Variants in LRP1B observed in about 807,000 individuals in gnomAD.
LRP1B encodes the protein low-density lipoprotein receptor-related protein 1B.
A neutral mutation model predicts 556.6 loss-of-function variants in LRP1B; 217 were observed. That is an observed-to-expected ratio of 0.39 (90% CI 0.35 to 0.44). LRP1B has a LOEUF of 0.44. Among genes scored for constraint, LRP1B ranks in the 20% least tolerant of loss-of-function variants. The pLI, the probability that LRP1B is intolerant of heterozygous loss-of-function variation, is 1.00. For synonymous variants in LRP1B, 2,047 were observed against 1,865.8 expected, an observed-to-expected ratio of 1.10 and a Z score of -2.50; for missense variants, 5,053 against 5,620.8, an observed-to-expected ratio of 0.90 and a Z score of 3.23.
At chr2:140,974,190 G>C (rs1696520288) in intron 18 of LRP1B, among the ~76,000 whole-genome samples, 2 of 152,120 alleles carry the variant, frequency 1.3e-5, no homozygotes, top group African/African-American at 4.8e-5. Context: ...CATGAAGAAA[G>C]AATCTTCTGA....
intron 1 of LRP1B, among the ~76,000 whole-genome samples, chr2:141,874,836 T>C (rs1423492856): frequency 6.6e-6 from 1 of 151,954 alleles, no homozygotes; most frequent in Non-Finnish European, 1.5e-5. Context: ...TCAGGAGCCT[T>C]ATGGCCAATG....
Position 140,238,665 on chromosome 2 carries a change from G to C in LRP1B, c.13416-369C>G, listed in dbSNP as rs10928744. Among the ~76,000 whole-genome samples, 5 of 150,876 alleles carry C rather than the reference G, an allele frequency of 3.3e-5. No individual in the cohort carries two copies. The East Asian group carries it at 9.8e-4, about 30-fold the overall frequency. On this transcript the variant is annotated intron_variant, in intron 88 of 90. Coordinates refer to ENST00000389484, the MANE Select transcript of LRP1B (RefSeq NM_018557.3). ...ATGGTTAGAATCCTGTTTTACATAA[G>C]TCAAATACTGACTCAAAAGCTCTTG... is the stretch of plus-strand genomic sequence containing the variant.
intron 6 of LRP1B, among the ~76,000 whole-genome samples, chr2:141,210,276 C>A: frequency 6.6e-6 from 1 of 150,910 alleles, no homozygotes; most frequent in East Asian, 1.9e-4. Context: ...TGTTACCTGA[C>A]AAAAATCCAT....
At chr2:141,326,310 C>T (rs1687427502) in intron 3 of LRP1B, among the ~76,000 whole-genome samples, 1 of 151,850 alleles carries the variant, frequency 6.6e-6, no homozygotes, top group Non-Finnish European at 1.5e-5. Context: ...GAAATGCTTC[C>T]AAGGAGAAAA....
intron 1 of LRP1B, among the ~76,000 whole-genome samples, chr2:141,865,653 G>A (rs1370572725): frequency 3.3e-5 from 5 of 150,972 alleles, no homozygotes; most frequent in Non-Finnish European, 4.4e-5. Context: ...CCAAACAAGA[G>A]GGTAGAAGAA....
chr2:142,080,082 C>T (rs1050885314), intron 1 of LRP1B, among the ~76,000 whole-genome samples: 1 of 139,720 alleles, frequency 7.2e-6, no homozygotes, highest in African/African-American at 2.6e-5. Context: ...TTGGGCTTAA[C>T]TTTATTATGA....
At chr2:141,197,337 C>T (rs558459795) in intron 6 of LRP1B, among the ~76,000 whole-genome samples, 14 of 152,178 alleles carry the variant, frequency 9.2e-5, no homozygotes, top group African/African-American at 3.1e-4. Flanking sequence ...TTTAGCCTTG[C>T]TGGGGTTCTT....
At chr2:141,096,690 G>GGGAGAGAGAGAGAAAAAAAA (rs1700330934) in intron 7 of LRP1B, among the ~76,000 whole-genome samples, 1 of 102,036 alleles carries the variant, frequency 9.8e-6, no homozygotes, top group Non-Finnish European at 2.1e-5. Flanking sequence ...GAGAGAGAGA[G>GGGAGAGAGAGAGAAAAAAAA]AAAATAAATA....
intron 2 of LRP1B, among the ~76,000 whole-genome samples, chr2:141,508,082 T>TCC (rs373915742): frequency 0.26 from 9,569 of 36,918 alleles, 358 homozygotes; most frequent in South Asian, 0.34. Flanking sequence ...GGAGACTCCA[T>TCC]CCCCCCCCCA....
intron 31 of LRP1B, among the ~76,000 whole-genome samples, chr2:140,829,746 T>C (rs1235799005): frequency 1.3e-5 from 2 of 151,494 alleles, no homozygotes; most frequent in African/African-American, 4.8e-5. Context: ...ATCCCAAAAG[T>C]AGTAGAAGAA....
At chr2:140,826,490 C>T (rs1691512610) in intron 31 of LRP1B, among the ~76,000 whole-genome samples, 1 of 152,136 alleles carries the variant, frequency 6.6e-6, no homozygotes, top group Non-Finnish European at 1.5e-5. Context: ...AATAATTATC[C>T]AGTGCCAAGA....
At chr2:141,398,449 G>T (rs1011593344) in intron 3 of LRP1B, among the ~76,000 whole-genome samples, 1 of 152,174 alleles carries the variant, frequency 6.6e-6, no homozygotes, top group Admixed American at 6.5e-5. Flanking sequence ...TAGCAGGAAG[G>T]TCTAAAATGA....
intron 3 of LRP1B, among the ~76,000 whole-genome samples, chr2:141,288,843 C>T (rs1685828113): frequency 6.6e-6 from 1 of 152,132 alleles, no homozygotes; most frequent in Non-Finnish European, 1.5e-5. Context: ...CATATTTCCT[C>T]ACCACAGCTG....
chr2:141,772,887 T>A (rs1003157496), intron 2 of LRP1B, among the ~76,000 whole-genome samples: 3 of 152,202 alleles, frequency 2.0e-5, no homozygotes, highest in South Asian at 2.1e-4. Context: ...CCGTCAGGGC[T>A]GGCCTTACTA....
chr2:141,668,398 G>T (rs1690526015), intron 2 of LRP1B, among the ~76,000 whole-genome samples: 1 of 152,084 alleles, frequency 6.6e-6, no homozygotes, highest in South Asian at 2.1e-4. Flanking sequence ...TTGCCTTTTG[G>T]CCCACCACAC....
At chr2:140,868,334 G>A in intron 25 of LRP1B, 71 bp from the exon 26 acceptor site, 1 of 1,385,454 alleles carries the variant, frequency 7.2e-7, no homozygotes, top group Non-Finnish European at 9.6e-7. Flanking sequence ...TTTATTGAGT[G>A]CCTACCATAT....
chr2:140,241,716 T>A lies in LRP1B; in HGVS notation c.13325-2184A>T, dbSNP rs561476369. On this transcript the variant is annotated intron_variant, in intron 87 of 90. Coordinates refer to ENST00000389484, the MANE Select transcript of LRP1B (RefSeq NM_018557.3). ...AGGGTAGAAGATTAGCAAGTTTTTT[T>A]AAAATTTTATAAAATAGTTTTTATT... Among the ~76,000 whole-genome samples the A allele has an allele frequency of 7.9e-5, 12 of 150,964 alleles. No homozygotes were observed. In the South Asian group the frequency reaches 1.5e-3, roughly 18 times the overall value.
At chr2:140,802,480 G>A (rs1424596287) in intron 32 of LRP1B, among the ~76,000 whole-genome samples, 1 of 152,106 alleles carries the variant, frequency 6.6e-6, no homozygotes, top group Non-Finnish European at 1.5e-5. Context: ...GAATATAATT[G>A]TTCTTTATAT....
intron 7 of LRP1B, among the ~76,000 whole-genome samples, chr2:141,124,728 T>C (rs61230069): frequency 0.18 from 26,656 of 151,174 alleles, 4,327 homozygotes; most frequent in African/African-American, 0.44. Context: ...AACAATCTCA[T>C]TGAATCTCAA....
Sources: gnomAD v4.1 joint callset for allele counts (sites outside exome capture counted in the v4.1 genomes callset) on GRCh38, gnomAD v4.1.1 for gene constraint, MANE v1.5 for transcripts, NCBI Gene and HGNC (gene_info 2026-07-23, HGNC 2026-07-21) for gene names.